The following TASP1 variants were observed in gnomAD, a reference collection of about 807,000 sequenced individuals.
The protein encoded by TASP1 is taspase 1.
TASP1 carries 16 observed loss-of-function variants against 56.6 expected under a neutral mutation model. The ratio of observed to expected loss-of-function variants is 0.28; its 90% confidence interval spans 0.19 to 0.43. The LOEUF (loss-of-function observed/expected upper bound fraction) is 0.43, where lower values mean the gene tolerates loss of function less well. TASP1 is among the 20% of genes least tolerant of loss of function. TASP1 has a pLI of 1.00. For missense variants in TASP1, 393 were observed against 511.6 expected, an observed-to-expected ratio of 0.77 and a Z score of 2.24; for synonymous variants, 179 against 184.2, an observed-to-expected ratio of 0.97 and a Z score of 0.23.
the TASP1 span, among the ~76,000 whole-genome samples, chr20:13,317,314 G>A: frequency 6.6e-6 from 1 of 151,900 alleles, no homozygotes; most frequent in Non-Finnish European, 1.5e-5. Flanking sequence ...TAAATAAATT[G>A]AGAGATACTC....
chr20:13,114,590 T>C, the TASP1 span, among the ~76,000 whole-genome samples: 19 of 152,368 alleles, frequency 1.2e-4, no homozygotes, highest in African/African-American at 4.3e-4. Context: ...GCTATTCTCC[T>C]ATGCTCAAAA....
the TASP1 span, chr20:13,154,050 C>A: frequency 2.5e-6 from 4 of 1,614,026 alleles, no homozygotes; most frequent in Non-Finnish European, 3.4e-6. Context: ...ATACTTCAGA[C>A]AAAGACTGCA....
At chr20:13,490,639 T>A (rs955145678) in intron 10 of TASP1, among the ~76,000 whole-genome samples, 1 of 152,102 alleles carries the variant, frequency 6.6e-6, no homozygotes, top group Non-Finnish European at 1.5e-5. Context: ...TTTTATTTAC[T>A]CTATTCATTC....
At chr20:13,270,823 G>A in the TASP1 span, 2 of 1,368,876 alleles carry the variant, frequency 1.5e-6, no homozygotes, top group Non-Finnish European at 2.0e-6. Context: ...GGAAACTGCT[G>A]CCTTACCTCA....
chr20:13,391,174 G>A (rs2041260072), intron 13 of TASP1, among the ~76,000 whole-genome samples: 1 of 152,152 alleles, frequency 6.6e-6, no homozygotes, highest in Admixed American at 6.5e-5. Flanking sequence ...TGAGACCAAG[G>A]AGCCATTTCT....
chr20:13,379,621 T>C, the TASP1 span, among the ~76,000 whole-genome samples: 14 of 152,338 alleles, frequency 9.2e-5, no homozygotes, highest in African/African-American at 3.4e-4. Context: ...AATGTTGGCC[T>C]GTCTTGGTGG....
the TASP1 span, among the ~76,000 whole-genome samples, chr20:13,130,303 C>G: frequency 6.6e-6 from 1 of 152,186 alleles, no homozygotes; most frequent in African/African-American, 2.4e-5. Context: ...CAAGAGCTGC[C>G]TTACAGGATC....
At chr20:13,576,058 A>C (rs1319153217) in intron 6 of TASP1, among the ~76,000 whole-genome samples, 1 of 151,566 alleles carries the variant, frequency 6.6e-6, no homozygotes, top group African/African-American at 2.4e-5. Context: ...AAAAATTAGC[A>C]GGGCATGGTG....
At chr20:13,447,144 C>T (rs1568814101) in intron 11 of TASP1, among the ~76,000 whole-genome samples, 1 of 152,130 alleles carries the variant, frequency 6.6e-6, no homozygotes, top group African/African-American at 2.4e-5. Context: ...CCACAAGAAA[C>T]AGTGTTTGAG....
chr20:13,187,842 T>C, the TASP1 span, among the ~76,000 whole-genome samples: 1 of 150,568 alleles, frequency 6.6e-6, no homozygotes, highest in East Asian at 2.0e-4. Flanking sequence ...GGACTTCTCA[T>C]CAGAACCATA....
the TASP1 span, among the ~76,000 whole-genome samples, chr20:13,189,989 T>C: frequency 1.4e-4 from 21 of 152,348 alleles, no homozygotes; most frequent in African/African-American, 5.0e-4. Context: ...AATAAAATTA[T>C]GTGCTTTGCA....
chr20:13,212,534 C>G, the TASP1 span, among the ~76,000 whole-genome samples: 1 of 152,132 alleles, frequency 6.6e-6, no homozygotes, highest in South Asian at 2.1e-4. Flanking sequence ...AGTGTGAGAA[C>G]AGTATATCTT....
chr20:13,542,680 TA>T (rs1157949611), intron 8 of TASP1, among the ~76,000 whole-genome samples: 1 of 151,960 alleles, frequency 6.6e-6, no homozygotes, highest in Non-Finnish European at 1.5e-5. Context: ...TAGGAGTCAA[TA>T]AAAGTAGATA....
At chr20:13,188,878 A>G in the TASP1 span, among the ~76,000 whole-genome samples, 1 of 152,218 alleles carries the variant, frequency 6.6e-6, no homozygotes, top group Non-Finnish European at 1.5e-5. Context: ...ACTTAATAGT[A>G]TGCACCTGTA....
the TASP1 span, chr20:13,165,075 T>A: frequency 1.9e-6 from 1 of 517,316 alleles, no homozygotes; most frequent in Non-Finnish European, 3.4e-6. Flanking sequence ...TAAGTCTCTC[T>A]TCTTCCAAGT....
At chr20:13,366,227 C>T in the TASP1 span, among the ~76,000 whole-genome samples, 4,362 of 152,004 alleles carry the variant, frequency 0.029, 88 homozygotes, top group Non-Finnish European at 0.044. Flanking sequence ...ATTTGGGAGG[C>T]GTGATATTTG....
chr20:13,138,164 G>A, the TASP1 span, among the ~76,000 whole-genome samples: 1 of 152,110 alleles, frequency 6.6e-6, no homozygotes, highest in African/African-American at 2.4e-5. Flanking sequence ...TTTCTTTCTG[G>A]GTTGATACCT....
At chr20:13,504,486 G>A (rs73268903) in intron 10 of TASP1, among the ~76,000 whole-genome samples, 73 of 152,256 alleles carry the variant, frequency 4.8e-4, no homozygotes, top group African/African-American at 1.7e-3. Flanking sequence ...TAGCTGAAAT[G>A]AAAGGATGCT....
At chr20:13,552,303 T>C (rs967883906) in intron 8 of TASP1, among the ~76,000 whole-genome samples, 3 of 152,178 alleles carry the variant, frequency 2.0e-5, no homozygotes, top group Non-Finnish European at 4.4e-5. Flanking sequence ...CTGTCAGTGA[T>C]GTGTCACTGT....
Sources: gnomAD v4.1 joint callset for allele counts (sites outside exome capture counted in the v4.1 genomes callset) on GRCh38, gnomAD v4.1.1 for gene constraint, MANE v1.5 for transcripts, NCBI Gene and HGNC (gene_info 2026-07-23, HGNC 2026-07-21) for gene names.